SLC35E1: variants seen among roughly 807,000 people sequenced by gnomAD.
SLC35E1 encodes solute carrier family 35 member E1, also known as solute carrier family 35, member E1.
SLC35E1 carries 12 observed loss-of-function variants against 31.0 expected under a neutral mutation model. The ratio of observed to expected loss-of-function variants is 0.39; its 90% CI spans 0.25 to 0.63. The LOEUF (loss-of-function observed/expected upper bound fraction) is 0.63. Among genes scored for constraint, SLC35E1 ranks in the 20% least tolerant of loss-of-function variants. The probability of loss-of-function intolerance (pLI) is 0.52; values close to 1 mark genes in which losing one functional copy is unlikely to be tolerated. For missense variants in SLC35E1, 429 were observed against 572.2 expected (o/e 0.75, Z 2.55); for synonymous variants, 257 against 264.1 (o/e 0.97, Z 0.26).
rs2085871316 is a variant in SLC35E1, at chr19:16,555,472, G to A, written c.757-75C>T. 6.4e-7 allele frequency: 1 copy of A among 1,564,786 alleles called. No homozygotes were observed. The highest frequency in any genetic ancestry group is 8.6e-7 in the Non-Finnish European group (1 of 1,156,784). On this transcript the variant is annotated intron_variant, in intron 4 of 5. Transcript: ENST00000595753. The surrounding 1 kb of genome is among the most constrained non-coding windows in gnomAD (Gnocchi z 4.1). ...CTGCCTCCCTGTATCCACCTGGCAG[G>A]GTTAGGGGAAGGGATGTGGAGGGGC...
Position 16,571,596 on chromosome 19 carries a change from G to A in SLC35E1, c.422-14C>T. On this transcript the variant is annotated splice_polypyrimidine_tract_variant and intron_variant, in intron 1 of 5. Coordinates refer to ENST00000595753, the MANE Select transcript of SLC35E1 (RefSeq NM_024881.5). ...TGGTGGCCTTGACTGCAAAGAGAGGGATGGGCACTCAGGGGGCTGCCTGAA... is the reference window on the plus strand; with the variant it reads ...TGGTGGCCTTGACTGCAAAGAGAGGAATGGGCACTCAGGGGGCTGCCTGAA... The A allele has an allele frequency of 6.2e-7, 1 of 1,613,572 alleles. No individual in the cohort carries two copies. Among genetic ancestry groups the A allele is most frequent in the Non-Finnish European group, 8.5e-7 (1 of 1,179,896 alleles).
At chr19:16,560,881 CAA>C (rs1304202019) in intron 4 of SLC35E1, among the ~76,000 whole-genome samples, 4 of 68,048 alleles carry the variant, frequency 5.9e-5, no homozygotes, top group Middle Eastern at 0.011. Flanking sequence ...AAAAAAAAAC[CAA>C]AAAAAAAAAA....
chr19:16,568,367 C>T (rs2085942129), intron 2 of SLC35E1, among the ~76,000 whole-genome samples, 198 bp from the exon 3 acceptor site: 1 of 152,176 alleles, frequency 6.6e-6, no homozygotes, highest in African/African-American at 2.4e-5. Flanking sequence ...AGGGGCAGGG[C>T]TTATTTGTGG....
intron 3 of SLC35E1, among the ~76,000 whole-genome samples, chr19:16,567,433 G>A (rs750837598): frequency 1.6e-4 from 24 of 152,316 alleles, no homozygotes; most frequent in Non-Finnish European, 2.5e-4. Context: ...CTTGAGCTTC[G>A]AAGACTGAGG....
Position 16,557,295 on chromosome 19 carries a change from G to A in SLC35E1, c.757-1898C>T, listed in dbSNP as rs545034406. Among the ~76,000 whole-genome samples, 264 of 151,836 alleles carry A rather than the reference G, an allele frequency of 1.7e-3. 3 individuals carry two copies. Among genetic ancestry groups the A allele is most frequent in the African/African-American group, 5.7e-3 (234 of 41,398 alleles). Reference sequence around the variant, plus strand: ...TGCAAGCTCCGCCTCCTGGGTTCACGCCATTCTCCTGCCTCAGCCTCCCGA... The same window carrying A: ...TGCAAGCTCCGCCTCCTGGGTTCACACCATTCTCCTGCCTCAGCCTCCCGA... On this transcript the variant is annotated intron_variant, in intron 4 of 5. Transcript: ENST00000595753.
rs371174699 is a variant in SLC35E1, at chr19:16,553,725, C to T, written c.1187G>A (p.Arg396Gln). 1.7e-5 allele frequency: 27 copies of T among 1,599,682 alleles called. No homozygotes were observed. Among genetic ancestry groups the T allele is most frequent in the South Asian group, 2.2e-5 (2 of 89,398 alleles). ...ACTGTACGAGTTTGGGTAGCTCTGC[C>T]GGCTGTATTGGAAGTGGTCTGTTAA... is the stretch of plus-strand genomic sequence containing the variant. ...NILTDHFQYS[R>Q]QSYPNSYSLN... The change falls in exon 6 of 6, where the codon CGG (arginine) becomes CAG (glutamine). Residue 396 changes from arginine to glutamine, a missense_variant. Transcript: ENST00000595753.
At position 16,555,904 on chromosome 19, in the gene SLC35E1, A is replaced by C. The variant is rs945201063; in HGVS notation, c.757-507T>G. ...TACAACAATCTCAAGCCAAACAAAC[A>C]CAAGAGGTGACGTTACCATCAACAG... On this transcript the variant is annotated intron_variant, in intron 4 of 5. Coordinates refer to ENST00000595753, the MANE Select transcript of SLC35E1 (RefSeq NM_024881.5). This position sits in a 1 kb window ranked among gnomAD's most constrained non-coding sequence, Gnocchi z 4.1. The C allele has an allele frequency of 3.8e-5, 6 of 157,974 alleles. No homozygotes were observed. The highest frequency in any genetic ancestry group is 1.4e-4 in the African/African-American group (6 of 41,476). 9.8% of individuals were successfully genotyped at this position (157,974 alleles called of 1,614,324 possible). A position where few individuals can be genotyped will look rare whatever the true frequency, so the allele number is the denominator to read the frequency against.
At chr19:16,569,618 G>T (rs954417846) in intron 2 of SLC35E1, among the ~76,000 whole-genome samples, 7 of 152,098 alleles carry the variant, frequency 4.6e-5, no homozygotes, top group African/African-American at 1.7e-4. Context: ...GGCTGAGGAG[G>T]GCAGATCACT....
At chr19:16,563,919 G>A (rs1365477882) in intron 4 of SLC35E1, among the ~76,000 whole-genome samples, 1 of 152,180 alleles carries the variant, frequency 6.6e-6, no homozygotes, top group Non-Finnish European at 1.5e-5. Flanking sequence ...ACTAAGAAAC[G>A]AGGAGCGGAA....
In SLC35E1 at chr19:16,550,117, G is replaced by C. The variant is rs560446023; in HGVS notation, c.*3562C>G. Reference sequence around the variant, plus strand: ...AGAAACTGCAAGTGCTTCCTCACTTGAACGGATCTGGCCCCTTTGTGGTAG... The same window carrying C: ...AGAAACTGCAAGTGCTTCCTCACTTCAACGGATCTGGCCCCTTTGTGGTAG... On this transcript the variant is annotated 3_prime_UTR_variant, in exon 6 of 6. Transcript: ENST00000595753. The C allele has an allele frequency of 6.6e-6, 1 of 152,308 alleles. No homozygotes were observed. Among genetic ancestry groups the C allele is most frequent in the East Asian group, 1.9e-4 (1 of 5,190 alleles). The allele number at this position is 152,308 out of a possible 1,614,324, so 9.4% of individuals were successfully genotyped here.
rs1372626361 is a variant in SLC35E1 at position 16,551,238 on chromosome 19, A to G, written c.*2441T>C. 6.6e-6 allele frequency: 1 copy of G among 152,176 alleles called. No individual in the cohort carries two copies. The highest frequency in any genetic ancestry group is 1.5e-5 in the Non-Finnish European group (1 of 68,034). 9.4% of individuals were successfully genotyped at this position (152,176 alleles called of 1,614,324 possible). On this transcript the variant is annotated 3_prime_UTR_variant, in exon 6 of 6. Transcript: ENST00000595753. ...TCACGTTTTACACAGCAATTGTCTC[A>G]GCTTGGGACCAAAGTATTTACAAAG...
Position 16,551,027 on chromosome 19 carries a change from A to G in SLC35E1, c.*2652T>C, listed in dbSNP as rs140470858. The G allele has an allele frequency of 6.6e-6, 1 of 152,310 alleles. No individual in the cohort carries two copies. The highest frequency in any genetic ancestry group is 2.4e-5 in the African/African-American group (1 of 41,578). 9.4% of individuals were successfully genotyped at this position (152,310 alleles called of 1,614,324 possible). ...GTCGAATTCATTTTGGAGTTCAATAATATGTTCAAAGAATCAGGTACTATA... is the reference window on the plus strand; with the variant it reads ...GTCGAATTCATTTTGGAGTTCAATAGTATGTTCAAAGAATCAGGTACTATA... On this transcript the variant is annotated 3_prime_UTR_variant, in exon 6 of 6. Coordinates refer to ENST00000595753, the MANE Select transcript of SLC35E1 (RefSeq NM_024881.5).
chr19:16,562,814 T>C (rs1294435637), intron 4 of SLC35E1, among the ~76,000 whole-genome samples: 1 of 152,086 alleles, frequency 6.6e-6, no homozygotes, highest in African/African-American at 2.4e-5. Flanking sequence ...GCTCAAGTGA[T>C]CTTCCCACCT....
At chr19:16,567,444 C>A (rs137983377) in intron 3 of SLC35E1, among the ~76,000 whole-genome samples, 2 of 152,350 alleles carry the variant, frequency 1.3e-5, no homozygotes, top group Admixed American at 6.5e-5. Flanking sequence ...AAGACTGAGG[C>A]TGCAGTAAGC....
chr19:16,567,746 G>A (rs989415287), intron 3 of SLC35E1, among the ~76,000 whole-genome samples: 2 of 151,832 alleles, frequency 1.3e-5, no homozygotes, highest in Admixed American at 6.6e-5. Context: ...TAGAGATGGG[G>A]TTTTGCCATA....
rs887765392 is a variant in SLC35E1 at position 16,565,884 on chromosome 19, T to C, written c.756+648A>G. 4 of 134,278 alleles carry C rather than the reference T, an allele frequency of 3.0e-5. No individual in the cohort carries two copies. The Admixed American group carries it at 3.3e-4, about 11-fold the overall frequency. 8.3% of individuals were successfully genotyped at this position (134,278 alleles called of 1,614,324 possible). The stretch of plus-strand genomic sequence containing the variant: ...AAGTTCCAGGGCTGGCAAGGCACAG[T>C]GGCTCACATCTGTAATCCCAGCACT... On this transcript the variant is annotated intron_variant, in intron 4 of 5. Coordinates refer to ENST00000595753, the MANE Select transcript of SLC35E1 (RefSeq NM_024881.5).
chr19:16,571,727 C>A, intron 1 of SLC35E1, 145 bp from the exon 2 acceptor site: 1 of 957,590 alleles, frequency 1.0e-6, no homozygotes, highest in South Asian at 1.5e-5. Flanking sequence ...CCTGCCACGG[C>A]TGTTGTGGTC....
chr19:16,559,463 T>TACACACACACACACACACACACACAC (rs61643316), intron 4 of SLC35E1, among the ~76,000 whole-genome samples: 33 of 142,402 alleles, frequency 2.3e-4, no homozygotes, highest in Admixed American at 1.1e-3. Flanking sequence ...CTACAAAAAA[T>TACACACACACACACACACACACACAC]ACACACACAC....
At chr19:16,565,115 A>G (rs2085924969) in intron 4 of SLC35E1, 2 of 456,596 alleles carry the variant, frequency 4.4e-6, no homozygotes, top group South Asian at 3.1e-5. Flanking sequence ...TTTATAACAC[A>G]TTCTCTGAAG....
Sources: gnomAD v4.1 joint callset for allele counts (sites outside exome capture counted in the v4.1 genomes callset) on GRCh38, gnomAD v4.1.1 for gene constraint, Gnocchi (gnomAD v3.1) non-coding constraint, MANE v1.5 for transcripts, NCBI Gene and HGNC (gene_info 2026-07-23, HGNC 2026-07-21) for gene names.